The following ADAMTSL3 variants were observed in gnomAD, a reference collection of about 807,000 sequenced individuals.
ADAMTSL3 encodes the protein ADAMTS-like protein 3.
A neutral mutation model predicts 201.7 loss-of-function variants in ADAMTSL3; 128 were observed. The ratio of observed to expected loss-of-function variants is 0.63; its 90% CI spans 0.55 to 0.73. ADAMTSL3 has a LOEUF of 0.73. Ranked by LOEUF, ADAMTSL3 falls within the 30% of genes least tolerant of loss-of-function variation. The pLI, the probability that ADAMTSL3 is intolerant of heterozygous loss-of-function variation, is 0.00. For missense variants in ADAMTSL3, 1,990 were observed against 2,119.6 expected (o/e 0.94, Z 1.20); for synonymous variants, 738 against 748.4 (o/e 0.99, Z 0.23).
At chr15:83,665,881 CAAA>C (rs2061241741) in intron 2 of ADAMTSL3, among the ~76,000 whole-genome samples, 1 of 151,980 alleles carries the variant, frequency 6.6e-6, no homozygotes. Context: ...AATTTAAAAA[CAAA>C]GAAGAGTAAC....
At position 83,906,622 on chromosome 15, in the gene ADAMTSL3, CCACACACACA is replaced by C. The variant is rs1157198460; in HGVS notation, c.1701-6423_1701-6414del. Among the ~76,000 whole-genome samples the C allele has an allele frequency of 3.3e-3, 264 of 79,016 alleles. 4 individuals carry two copies. Among genetic ancestry groups the C allele is most frequent in the Middle Eastern group, 0.022 (3 of 134 alleles). The allele number at this position is 79,016 out of a possible 152,430, so 51.8% of individuals were successfully genotyped here. ...CTATATATTTATATAGTGCCACACA[CCACACACACA>C]CACACACACACACACACACACACAC... On this transcript the variant is annotated intron_variant, in intron 15 of 29. Transcript: ENST00000286744.
intron 25 of ADAMTSL3, among the ~76,000 whole-genome samples, chr15:84,017,146 C>A (rs2068100442): frequency 1.3e-5 from 2 of 152,186 alleles, no homozygotes. Flanking sequence ...GAGACAGAAT[C>A]TCGCTCTGCC....
intron 23 of ADAMTSL3, among the ~76,000 whole-genome samples, chr15:83,999,183 A>G (rs2067743665): frequency 6.6e-6 from 1 of 152,248 alleles, no homozygotes; most frequent in Non-Finnish European, 1.5e-5. Context: ...TCATGTTATT[A>G]AAAATTCATA....
chr15:83,732,698 C>T (rs1437525891), intron 3 of ADAMTSL3, among the ~76,000 whole-genome samples: 1 of 152,078 alleles, frequency 6.6e-6, no homozygotes, highest in Non-Finnish European at 1.5e-5. Flanking sequence ...ATTCTGTTAA[C>T]ATTTCATGGA....
At chr15:83,974,443 T>C (rs1206876761) in intron 20 of ADAMTSL3, among the ~76,000 whole-genome samples, 1 of 152,194 alleles carries the variant, frequency 6.6e-6, no homozygotes, top group Non-Finnish European at 1.5e-5. Flanking sequence ...AAAATATTGA[T>C]TATTTTTAAG....
chr15:83,676,888 C>G (rs1210152298), intron 2 of ADAMTSL3, among the ~76,000 whole-genome samples: 1 of 152,234 alleles, frequency 6.6e-6, no homozygotes, highest in East Asian at 1.9e-4. Flanking sequence ...AGATACTGGA[C>G]TTGCTGGAAC....
chr15:83,691,014 T>TAC (rs1335402523), intron 2 of ADAMTSL3, among the ~76,000 whole-genome samples: 1 of 152,184 alleles, frequency 6.6e-6, no homozygotes, highest in Non-Finnish European at 1.5e-5. Flanking sequence ...ATCGTGAGGT[T>TAC]ATTCTACATT....
intron 2 of ADAMTSL3, among the ~76,000 whole-genome samples, chr15:83,682,723 G>T (rs1181027439): frequency 6.6e-6 from 1 of 152,206 alleles, no homozygotes; most frequent in Admixed American, 6.5e-5. Flanking sequence ...GTTTCCCTTG[G>T]CTTGGCCTGA....
chr15:83,970,687 T>C (rs1332674294), intron 20 of ADAMTSL3, 50 bp downstream of exon 20: 1 of 1,598,474 alleles, frequency 6.3e-7, no homozygotes, highest in Non-Finnish European at 8.6e-7. Context: ...TTCTGTTCAT[T>C]TTGTCCCGAT....
At chr15:83,903,954 A>AGGAAGGAAGGAAGGAAGGAAGGAAGG (rs1258829960) in intron 15 of ADAMTSL3, among the ~76,000 whole-genome samples, 1 of 57,626 alleles carries the variant, frequency 1.7e-5, no homozygotes. Flanking sequence ...AGAAAAAAGA[A>AGGAAGGAAGGAAGGAAGGAAGGAAGG]AGAAAGAAAG....
intron 3 of ADAMTSL3, among the ~76,000 whole-genome samples, chr15:83,730,957 G>A (rs981737196): frequency 2.8e-4 from 42 of 152,160 alleles, no homozygotes; most frequent in African/African-American, 9.9e-4. Context: ...TGGGTATGGT[G>A]TAAGATAAGG....
chr15:83,657,019 A>C lies in ADAMTSL3; in HGVS notation c.69+1189A>C, dbSNP rs570665925. Among the ~76,000 whole-genome samples, 4 of 152,316 alleles carry C rather than the reference A, an allele frequency of 2.6e-5. No homozygotes were observed. The South Asian group carries it at 8.3e-4, about 32-fold the overall frequency. On this transcript the variant is annotated intron_variant, in intron 2 of 29. Coordinates refer to ENST00000286744, the MANE Select transcript of ADAMTSL3 (RefSeq NM_207517.3). ...TATCCCATTTTATCGATACTATCCC[A>C]TAATCATATTAATAGAGCTCTTTTG... is the stretch of plus-strand genomic sequence containing the variant.
At chr15:83,938,104 AT>A (rs2066492958) in intron 17 of ADAMTSL3, among the ~76,000 whole-genome samples, 1 of 147,758 alleles carries the variant, frequency 6.8e-6, no homozygotes, top group African/African-American at 2.7e-5. Context: ...TTTCTGATTT[AT>A]CAATTTGAAA....
At chr15:83,899,150 T>G in intron 14 of ADAMTSL3, among the ~76,000 whole-genome samples, 1 of 152,146 alleles carries the variant, frequency 6.6e-6, no homozygotes, top group African/African-American at 2.4e-5. Flanking sequence ...CAGATGTAAT[T>G]GGTAATCATC....
At chr15:83,883,752 G>A (rs72746991) in intron 9 of ADAMTSL3, among the ~76,000 whole-genome samples, 1 of 151,372 alleles carries the variant, frequency 6.6e-6, no homozygotes, top group Non-Finnish European at 1.5e-5. Flanking sequence ...CTTTTGGAGA[G>A]ATAGGATCTT....
At chr15:83,707,027 C>T (rs1035796790) in intron 3 of ADAMTSL3, among the ~76,000 whole-genome samples, 1 of 152,050 alleles carries the variant, frequency 6.6e-6, no homozygotes, top group African/African-American at 2.4e-5. Flanking sequence ...AGGATAAAAC[C>T]AATCAAATAC....
At chr15:83,711,309 G>C (rs1025519254) in intron 3 of ADAMTSL3, among the ~76,000 whole-genome samples, 1 of 152,152 alleles carries the variant, frequency 6.6e-6, no homozygotes, top group Admixed American at 6.5e-5. Context: ...TTATGTAATC[G>C]TTTTTAGTTG....
intron 19 of ADAMTSL3, among the ~76,000 whole-genome samples, chr15:83,962,742 G>C (rs1429236445): frequency 6.6e-6 from 1 of 152,166 alleles, no homozygotes; most frequent in Admixed American, 6.5e-5. Flanking sequence ...GGCCAAATAG[G>C]AACAGCTCTG....
chr15:83,743,206 A>G (rs2062484322), intron 3 of ADAMTSL3, among the ~76,000 whole-genome samples: 2 of 152,150 alleles, frequency 1.3e-5, no homozygotes, highest in South Asian at 4.1e-4. Context: ...AAAATCAGGA[A>G]CCTGTCTAAC....
Sources: gnomAD v4.1 joint callset for allele counts (sites outside exome capture counted in the v4.1 genomes callset) on GRCh38, gnomAD v4.1.1 for gene constraint, MANE v1.5 for transcripts, NCBI Gene and HGNC (gene_info 2026-07-23, HGNC 2026-07-21) for gene names.